Variants in PCDHGB5 observed in about 807,000 individuals in gnomAD.
PCDHGB5 encodes the protein protocadherin gamma-B5.
PCDHGB5 carries 48 observed loss-of-function variants against 62.9 expected under a neutral mutation model. The ratio of observed to expected loss-of-function variants is 0.76; its 90% confidence interval spans 0.61 to 0.97. The LOEUF (loss-of-function observed/expected upper bound fraction) is 0.97. Among genes scored for constraint, PCDHGB5 ranks in the 50% least tolerant of loss-of-function variants. The pLI, the probability that PCDHGB5 is intolerant of heterozygous loss-of-function variation, is 0.00. For synonymous variants in PCDHGB5, 474 were observed against 511.2 expected (o/e 0.93, Z 0.98); for missense variants, 1,118 against 1,198.6 (o/e 0.93, Z 0.99).
At chr5:141,422,333 T>C in intron 1 of PCDHGB5, 1 of 1,549,594 alleles carries the variant, frequency 6.5e-7, no homozygotes, top group Non-Finnish European at 8.7e-7. Flanking sequence ...GTGATTGCTC[T>C]TCTAAATGTG....
At chr5:141,418,794 TAGAA>T in intron 1 of PCDHGB5, 1 of 1,613,706 alleles carries the variant, frequency 6.2e-7, no homozygotes, top group South Asian at 1.1e-5. Flanking sequence ...TTTGAAGAAG[TAGAA>T]AGATATACGA....
In PCDHGB5 at chr5:141,491,928, G is replaced by T; in HGVS notation, c.2398-2879G>T. 1 of 1,301,482 alleles carries T rather than the reference G, an allele frequency of 7.7e-7. No homozygotes were observed. Among genetic ancestry groups the T allele is most frequent in the South Asian group, 1.6e-5 (1 of 63,466 alleles). 80.6% of individuals were successfully genotyped at this position (1,301,482 alleles called of 1,614,324 possible). A position where few individuals can be genotyped will look rare whatever the true frequency, so the allele number is the denominator to read the frequency against. On this transcript the variant is annotated intron_variant, in intron 1 of 3. Coordinates refer to ENST00000617380, the MANE Select transcript of PCDHGB5 (RefSeq NM_018925.3). The surrounding 1 kb of genome is among the most constrained non-coding windows in gnomAD (Gnocchi z 6.9). ...TGGTGGCGACTGTGGGCGAGGGGAG[G>T]TGGGACCGACCCCCACCCCTACACT... is the stretch of plus-strand genomic sequence containing the variant.
chr5:141,490,196 A>G lies in PCDHGB5; in HGVS notation c.2398-4611A>G, dbSNP rs748858034. On this transcript the variant is annotated intron_variant, in intron 1 of 3. Coordinates refer to ENST00000617380, the MANE Select transcript of PCDHGB5 (RefSeq NM_018925.3). The surrounding 1 kb of genome is among the most constrained non-coding windows in gnomAD (Gnocchi z 5.4). ...GAGGAGTCACGTTTCTATGAAATTCATGCAAGAGCCCGTGACCAGGGACAG... is the reference window on the plus strand; with the variant it reads ...GAGGAGTCACGTTTCTATGAAATTCGTGCAAGAGCCCGTGACCAGGGACAG... The G allele has an allele frequency of 3.7e-6, 6 of 1,614,196 alleles. No individual in the cohort carries two copies. The highest frequency in any genetic ancestry group is 4.2e-6 in the Non-Finnish European group (5 of 1,180,020).
chr5:141,412,396 A>G (rs2095553141), intron 1 of PCDHGB5: 1 of 152,216 alleles, frequency 6.6e-6, no homozygotes, highest in Non-Finnish European at 1.5e-5. Flanking sequence ...TTTAACTTGT[A>G]TCCCTGTAAG....
chr5:141,438,721 G>A (rs886300746), intron 1 of PCDHGB5, among the ~76,000 whole-genome samples: 30 of 148,304 alleles, frequency 2.0e-4, no homozygotes, highest in Non-Finnish European at 7.4e-5. Flanking sequence ...AGTGCAAGTG[G>A]TGTGATCTCA....
intron 1 of PCDHGB5, among the ~76,000 whole-genome samples, chr5:141,461,711 C>A (rs897443905): frequency 1.3e-5 from 2 of 152,112 alleles, no homozygotes; most frequent in African/African-American, 2.4e-5. Flanking sequence ...ACTTTTTTTG[C>A]CCAGGCTGGA....
intron 1 of PCDHGB5, among the ~76,000 whole-genome samples, chr5:141,481,109 A>G (rs959629019): frequency 6.6e-6 from 1 of 152,186 alleles, no homozygotes; most frequent in Non-Finnish European, 1.5e-5. Flanking sequence ...GGAACCTACC[A>G]ATCCATCATT....
chr5:141,423,943 G>GA, intron 1 of PCDHGB5: 1 of 1,211,382 alleles, frequency 8.3e-7, no homozygotes, highest in Non-Finnish European at 1.0e-6. Flanking sequence ...GAAGTAAGTT[G>GA]AATTTTAGTA....
intron 1 of PCDHGB5, among the ~76,000 whole-genome samples, chr5:141,452,068 A>G (rs554365813): frequency 1.1e-3 from 160 of 152,308 alleles, no homozygotes; most frequent in Middle Eastern, 6.8e-3. Flanking sequence ...TTCTACTTTT[A>G]TTAGTTGGCA....
At chr5:141,461,924 A>C (rs930104571) in intron 1 of PCDHGB5, among the ~76,000 whole-genome samples, 1 of 152,100 alleles carries the variant, frequency 6.6e-6, no homozygotes, top group East Asian at 1.9e-4. Context: ...CCTGGGTTCC[A>C]GCAATTCTCC....
intron 1 of PCDHGB5, among the ~76,000 whole-genome samples, chr5:141,453,258 T>A (rs1336801456): frequency 1.6e-4 from 25 of 152,096 alleles, no homozygotes; most frequent in Admixed American, 1.6e-3. Flanking sequence ...GGGCTGCAAG[T>A]GCACACCACC....
chr5:141,472,980 CA>C (rs60579131), intron 1 of PCDHGB5, among the ~76,000 whole-genome samples: 39,687 of 85,940 alleles, frequency 0.46, 5,633 homozygotes, highest in African/African-American at 0.56. Flanking sequence ...GAGTGAAACT[CA>C]AAAAAAAAAA....
chr5:141,415,206 G>A, intron 1 of PCDHGB5: 4 of 1,614,054 alleles, frequency 2.5e-6, no homozygotes, highest in African/African-American at 1.3e-5. Flanking sequence ...AAGTCCTGGC[G>A]GACCTCGGCA....
At position 141,476,606 on chromosome 5, in the gene PCDHGB5, G is replaced by T. The variant is rs2099394832; in HGVS notation, c.2398-18201G>T. The stretch of plus-strand genomic sequence containing the variant: ...GCTCGAGAGCGCGCACGATCCCGAT[G>T]TGGGAAGCAACTCTTTACAAACCTA... On this transcript the variant is annotated intron_variant, in intron 1 of 3. Transcript: ENST00000617380. The surrounding 1 kb of genome is among the most constrained non-coding windows in gnomAD (Gnocchi z 7.6). The T allele has an allele frequency of 1.9e-6, 3 of 1,614,126 alleles. No individual in the cohort carries two copies. Among genetic ancestry groups the T allele is most frequent in the Non-Finnish European group, 1.7e-6 (2 of 1,180,054 alleles).
chr5:141,420,357 CT>C, intron 1 of PCDHGB5: 1 of 1,376,278 alleles, frequency 7.3e-7, no homozygotes, highest in Non-Finnish European at 9.6e-7. Context: ...TTTTAAGATT[CT>C]AGATAACTTC....
chr5:141,506,380 TG>T (rs2099852860), intron 3 of PCDHGB5, among the ~76,000 whole-genome samples: 1 of 141,314 alleles, frequency 7.1e-6, no homozygotes, highest in Non-Finnish European at 1.5e-5. Flanking sequence ...ACCTGGGAGG[TG>T]GCTGTGGTGA....
At position 141,404,057 on chromosome 5, in the gene PCDHGB5, T is replaced by G. The variant is rs558471539; in HGVS notation, c.2397+3533T>G. ...ACCTCAGGGAACAGTAATTCTTCTT[T>G]TCAATGCTCATGACCGAGACTCCGG... On this transcript the variant is annotated intron_variant, in intron 1 of 3. Coordinates refer to ENST00000617380, the MANE Select transcript of PCDHGB5 (RefSeq NM_018925.3). 9.5e-5 allele frequency: 154 copies of G among 1,613,894 alleles called. No individual in the cohort carries two copies. The East Asian group carries it at 3.4e-3, about 36-fold the overall frequency.
intron 1 of PCDHGB5, chr5:141,433,078 C>A (rs947684072): frequency 2.5e-5 from 40 of 1,614,144 alleles, no homozygotes; most frequent in Non-Finnish European, 3.3e-5. Context: ...TCCCCCAGCC[C>A]AACTATGCAG....
Position 141,398,392 on chromosome 5 carries a change from A to AGG in PCDHGB5, c.266_267dup (p.Leu90GlyfsTer2). On this transcript the variant is annotated frameshift_variant, in exon 1 of 4. Transcript: ENST00000617380. LOFTEE classifies it high-confidence loss of function. ...GAGCGGGGAGTTGCTTGTGAGCAGC[A>AGG]GGCTAGACAGGGAGGAGATATGCGG... is the stretch of plus-strand genomic sequence containing the variant. The AGG allele has an allele frequency of 6.9e-7, 1 of 1,456,392 alleles. No homozygotes were observed. Among genetic ancestry groups the AGG allele is most frequent in the Non-Finnish European group, 9.5e-7 (1 of 1,048,716 alleles). The allele number at this position is 1,456,392 out of a possible 1,614,324, so 90.2% of individuals were successfully genotyped here.
Sources: gnomAD v4.1 joint callset for allele counts (sites outside exome capture counted in the v4.1 genomes callset) on GRCh38, gnomAD v4.1.1 for gene constraint, Gnocchi (gnomAD v3.1) non-coding constraint, MANE v1.5 for transcripts, NCBI Gene and HGNC (gene_info 2026-07-23, HGNC 2026-07-21) for gene names.